The following SCAPER variants were observed in gnomAD, a reference collection of about 807,000 sequenced individuals.
SCAPER encodes S phase cyclin A-associated protein in the endoplasmic reticulum.
SCAPER carries 98 observed loss-of-function variants against 182.2 expected under a neutral mutation model. That is an observed-to-expected ratio of 0.54 (90% CI 0.46 to 0.64). The LOEUF is 0.64. Ranked by LOEUF, SCAPER falls within the 30% of genes least tolerant of loss-of-function variation. SCAPER has a pLI of 0.00. For missense variants in SCAPER, 1,432 were observed against 1,690.0 expected (o/e 0.85, Z 2.68); for synonymous variants, 605 against 564.6 (o/e 1.07, Z -1.01).
intron 5 of SCAPER, among the ~76,000 whole-genome samples, chr15:76,818,151 A>C (rs921822785): frequency 6.6e-6 from 1 of 152,234 alleles, no homozygotes; most frequent in African/African-American, 2.4e-5. Flanking sequence ...ACATAAATAT[A>C]ATCAACTGAT....
At position 76,354,087 on chromosome 15, in the gene SCAPER, C is replaced by T; in HGVS notation, c.3909G>A (p.Leu1303=). 1 of 1,610,760 alleles carries T rather than the reference C, an allele frequency of 6.2e-7. No homozygotes were observed. Among genetic ancestry groups the T allele is most frequent in the Non-Finnish European group, 8.5e-7 (1 of 1,178,930 alleles). The change falls in exon 30 of 32, where the codon TTG becomes TTA. Residue 1303 remains leucine (L), a synonymous_variant. Coordinates refer to ENST00000563290, the MANE Select transcript of SCAPER (RefSeq NM_020843.4). The surrounding 1 kb of genome is among the most constrained non-coding windows in gnomAD (Gnocchi z 4.4). ...GTGGGTCACTGAAATACTGGAAGGG[C>T]AACTGGCAGAGCTTCTGCAGCACTG... ...HPTVLQKLCQ[L]PFQYFSDPRL... is the part of the protein sequence containing the mutation.
chr15:76,627,993 G>A (rs908823234), intron 21 of SCAPER, among the ~76,000 whole-genome samples: 7 of 152,186 alleles, frequency 4.6e-5, no homozygotes, highest in African/African-American at 1.7e-4. Flanking sequence ...TGACCGGCAT[G>A]AGATGGTATC....
chr15:76,420,589 GA>G (rs1175021931), intron 26 of SCAPER, among the ~76,000 whole-genome samples: 2 of 152,052 alleles, frequency 1.3e-5, no homozygotes, highest in African/African-American at 2.4e-5. Context: ...AACTTAACAA[GA>G]TAAAATATCT....
intron 29 of SCAPER, among the ~76,000 whole-genome samples, chr15:76,374,622 C>T (rs1359066598): frequency 6.6e-6 from 1 of 151,194 alleles, no homozygotes; most frequent in Non-Finnish European, 1.5e-5. Flanking sequence ...GCTGGGATTA[C>T]AGGCATGCGC....
intron 26 of SCAPER, among the ~76,000 whole-genome samples, chr15:76,425,191 G>C (rs769922521): frequency 7.2e-5 from 11 of 152,154 alleles, no homozygotes; most frequent in Non-Finnish European, 1.3e-4. Flanking sequence ...ATTTCTCCTG[G>C]ATAATATCCT....
intron 17 of SCAPER, among the ~76,000 whole-genome samples, chr15:76,718,264 G>A (rs1278241531): frequency 6.6e-6 from 1 of 152,144 alleles, no homozygotes; most frequent in Non-Finnish European, 1.5e-5. Context: ...TCTATGGGTT[G>A]CAGCAAAAGC....
chr15:76,601,569 T>C (rs2049935159), intron 22 of SCAPER, among the ~76,000 whole-genome samples: 3 of 121,806 alleles, frequency 2.5e-5, no homozygotes, highest in African/African-American at 7.5e-5. Flanking sequence ...TGTGTATGTA[T>C]ACTCTGATGT....
At chr15:76,571,976 G>T (rs1182789738) in intron 23 of SCAPER, among the ~76,000 whole-genome samples, 1 of 152,128 alleles carries the variant, frequency 6.6e-6, no homozygotes. Context: ...CTTATTGTAG[G>T]TAAGTCTAAA....
At chr15:76,820,003 G>C (rs1013574992) in intron 5 of SCAPER, among the ~76,000 whole-genome samples, 29 of 152,262 alleles carry the variant, frequency 1.9e-4, no homozygotes, top group South Asian at 8.3e-4. Context: ...CATCATCACT[G>C]GACATCAGAG....
intron 26 of SCAPER, among the ~76,000 whole-genome samples, chr15:76,406,760 A>T (rs2044870790): frequency 6.6e-6 from 1 of 152,194 alleles, no homozygotes; most frequent in East Asian, 1.9e-4. Context: ...TGCCCAGCAC[A>T]TTCTCCTCTC....
intron 15 of SCAPER, among the ~76,000 whole-genome samples, chr15:76,741,399 T>C (rs2151112545): frequency 6.6e-6 from 1 of 152,188 alleles, no homozygotes; most frequent in East Asian, 1.9e-4. Context: ...TCTAGAGTAA[T>C]GGATTTATAC....
chr15:76,703,830 C>A (rs2059098699), intron 18 of SCAPER, among the ~76,000 whole-genome samples: 1 of 152,092 alleles, frequency 6.6e-6, no homozygotes, highest in South Asian at 2.1e-4. Context: ...CTCTGCATTC[C>A]CCTGCCTACC....
Position 76,841,817 on chromosome 15 carries a change from C to T in SCAPER, c.310G>A (p.Ala104Thr). 3 of 1,613,868 alleles carry T rather than the reference C, an allele frequency of 1.9e-6. No homozygotes were observed. The highest frequency in any genetic ancestry group is 2.5e-6 in the Non-Finnish European group (3 of 1,179,864). The change falls in exon 5 of 32, where the codon GCA becomes ACA. Residue 104 changes from alanine (A) to threonine (T), a missense_variant. Ala to Thr is a moderately conservative substitution (Grantham distance 58, BLOSUM62 0). Around this residue, in one of 5 missense-constraint regions of SCAPER, gnomAD observed 480 missense variants for 510.2 expected, o/e 0.94. Transcript: ENST00000563290. ...RKIDLRARYW[A>T]FLFDNLRRAV... ...CGGCGAAGATTATCAAAAAGAAATG[C>T]CCAGTATCGAGCTCTTAGATCAATT...
intron 2 of SCAPER, among the ~76,000 whole-genome samples, chr15:76,876,901 A>T (rs2073205530): frequency 6.6e-6 from 1 of 152,220 alleles, no homozygotes. Context: ...AGCTTGTTAC[A>T]CTAGAAAGTA....
intron 5 of SCAPER, among the ~76,000 whole-genome samples, chr15:76,840,842 T>C (rs16968536): frequency 0.067 from 10,190 of 152,304 alleles, 377 homozygotes; most frequent in Middle Eastern, 0.11. Context: ...ACCATGTGTC[T>C]GTTTAATATC....
chr15:76,534,980 A>T (rs1451543799), intron 23 of SCAPER, among the ~76,000 whole-genome samples: 1 of 152,184 alleles, frequency 6.6e-6, no homozygotes, highest in African/African-American at 2.4e-5. Context: ...ATGTTTAAAA[A>T]TGGAATGGAG....
chr15:76,755,382 ATT>A (rs1753547847), intron 14 of SCAPER, among the ~76,000 whole-genome samples: 1 of 152,216 alleles, frequency 6.6e-6, no homozygotes, highest in African/African-American at 2.4e-5. Context: ...TACCTAACGC[ATT>A]TTTATGAACA....
intron 8 of SCAPER, among the ~76,000 whole-genome samples, chr15:76,780,818 A>C (rs185678297): frequency 2.1e-3 from 314 of 152,340 alleles, no homozygotes; most frequent in Non-Finnish European, 3.6e-3. Context: ...GAAAACTAAC[A>C]AACACAAAGG....
chr15:76,735,602 T>C lies in SCAPER; in HGVS notation c.1867-2218A>G, dbSNP rs528062872. Among the ~76,000 whole-genome samples the C allele has an allele frequency of 4.0e-5, 6 of 148,656 alleles. 1 individual carries two copies. The highest frequency in any genetic ancestry group is 1.5e-4 in the African/African-American group (6 of 40,218). On this transcript the variant is annotated intron_variant, in intron 15 of 31. Transcript: ENST00000563290. ...CTGTAATCCCAGCTACTTTGGAGGC[T>C]GAGGCAGGAGAATCGCTTGAACATG... is the stretch of plus-strand genomic sequence containing the variant.
Sources: gnomAD v4.1 joint callset for allele counts (sites outside exome capture counted in the v4.1 genomes callset) on GRCh38, gnomAD v4.1.1 for gene constraint, gnomAD v4.1.1 regional missense constraint, Gnocchi (gnomAD v3.1) non-coding constraint, MANE v1.5 for transcripts, NCBI Gene and HGNC (gene_info 2026-07-23, HGNC 2026-07-21) for gene names.